The following CACNA2D3 variants were observed in gnomAD, a reference collection of about 807,000 sequenced individuals.
CACNA2D3 encodes the protein voltage-dependent calcium channel subunit alpha-2/delta-3.
A neutral mutation model predicts 160.6 loss-of-function variants in CACNA2D3; 60 were observed. The observed-to-expected ratio is 0.37, with a 90% CI of 0.30 to 0.46. CACNA2D3 has a LOEUF of 0.46. CACNA2D3 is among the 20% of genes least tolerant of loss of function. The pLI is 1.00. For synonymous variants in CACNA2D3, 558 were observed against 492.9 expected (o/e 1.13, Z -1.75); for missense variants, 1,205 against 1,365.0 (o/e 0.88, Z 1.85).
In CACNA2D3 at chr3:54,211,387, C is replaced by T. The variant is rs567059382; in HGVS notation, c.204+87793C>T. Among the ~76,000 whole-genome samples the T allele has an allele frequency of 2.3e-4, 35 of 152,196 alleles. 1 individual carries two copies. Among genetic ancestry groups the T allele is most frequent in the Non-Finnish European group, 3.1e-4 (21 of 68,006 alleles). On this transcript the variant is annotated intron_variant, in intron 2 of 37. Transcript: ENST00000474759. ...TGTCTTGTGCTCTTATCCACAGTGCCGCCATGAATACCCTGCACATACATC... is the reference window on the plus strand; with the variant it reads ...TGTCTTGTGCTCTTATCCACAGTGCTGCCATGAATACCCTGCACATACATC...
chr3:54,944,396 GTATTTATT>G lies in CACNA2D3; in HGVS notation c.2450-24020_2450-24013del, dbSNP rs542683931. On this transcript the variant is annotated intron_variant, in intron 27 of 37. Transcript: ENST00000474759. The stretch of plus-strand genomic sequence containing the variant: ...ACTGTTTTATTTTAAATTTCCCAGG[GTATTTATT>G]TATTTATTTATTTATTTATTTATTT... Among the ~76,000 whole-genome samples, 521 of 148,628 alleles carry G rather than the reference GTATTTATT, an allele frequency of 3.5e-3. 6 individuals are homozygous for G. Among genetic ancestry groups the G allele is most frequent in the Admixed American group, 8.0e-3 (119 of 14,900 alleles).
intron 5 of CACNA2D3, among the ~76,000 whole-genome samples, chr3:54,511,776 G>T (rs573702150): frequency 4.6e-5 from 7 of 152,266 alleles, no homozygotes; most frequent in Admixed American, 4.6e-4. Context: ...TTTGTGAAAG[G>T]TTACAGTAAT....
chr3:54,178,301 C>G (rs1282482107), intron 2 of CACNA2D3, among the ~76,000 whole-genome samples: 2 of 152,188 alleles, frequency 1.3e-5, no homozygotes, highest in Non-Finnish European at 2.9e-5. Context: ...TTAGATACGG[C>G]TTCAGCCCTC....
chr3:54,223,145 T>G (rs1450611317), intron 2 of CACNA2D3, among the ~76,000 whole-genome samples: 1 of 152,230 alleles, frequency 6.6e-6, no homozygotes, highest in South Asian at 2.1e-4. Flanking sequence ...GGTACTTTAC[T>G]GTATTCATAG....
intron 2 of CACNA2D3, among the ~76,000 whole-genome samples, chr3:54,148,262 G>T (rs1441215900): frequency 6.6e-6 from 1 of 152,242 alleles, no homozygotes; most frequent in African/African-American, 2.4e-5. Context: ...CCCTTGAAGG[G>T]CTCACAATGT....
chr3:54,679,984 C>G (rs1700311212), intron 11 of CACNA2D3, among the ~76,000 whole-genome samples: 1 of 152,188 alleles, frequency 6.6e-6, no homozygotes, highest in African/African-American at 2.4e-5. Context: ...AATTTAAATT[C>G]TAAAACCTGT....
chr3:54,708,865 T>G (rs1013485102), intron 11 of CACNA2D3, among the ~76,000 whole-genome samples: 2 of 152,188 alleles, frequency 1.3e-5, no homozygotes, highest in African/African-American at 4.8e-5. Context: ...TTTTCTCTTT[T>G]TCTGTAACCC....
At chr3:54,686,068 GTGT>G (rs1216302996) in intron 11 of CACNA2D3, among the ~76,000 whole-genome samples, 5 of 152,214 alleles carry the variant, frequency 3.3e-5, no homozygotes, top group African/African-American at 4.8e-5. Context: ...TAGCAGGACT[GTGT>G]TAATACAAAT....
rs3773603 is a variant in CACNA2D3 at position 54,846,434 on chromosome 3, A to T, written c.1593A>T (p.Gly531=). ...HGYAFAITNN[G]YILTHPELRL... ...ATGCCTTTGCAATCACAAATAATGG[A>T]TATATCCTGACGCATCCGGAACTCA... The change falls in exon 17 of 38, where the codon GGA becomes GGT. Residue 531 remains glycine, a synonymous_variant. Coordinates refer to ENST00000474759, the MANE Select transcript of CACNA2D3 (RefSeq NM_018398.3). 13 of 1,604,248 alleles carry T rather than the reference A, an allele frequency of 8.1e-6. No homozygotes were observed. The Admixed American group carries it at 1.7e-4, about 21-fold the overall frequency.
At chr3:54,595,038 A>G (rs1702926051) in intron 9 of CACNA2D3, among the ~76,000 whole-genome samples, 1 of 152,198 alleles carries the variant, frequency 6.6e-6, no homozygotes, top group Non-Finnish European at 1.5e-5. Context: ...GATTTGTTCT[A>G]TAGAGTAAAT....
intron 14 of CACNA2D3, 30 bp downstream of exon 14, chr3:54,816,900 C>A (rs763125699): frequency 1.9e-6 from 3 of 1,612,206 alleles, no homozygotes; most frequent in Admixed American, 3.3e-5. Context: ...ATTCCAGTCA[C>A]CCCCAGAACT....
chr3:54,797,554 T>C (rs1041611124), intron 13 of CACNA2D3, among the ~76,000 whole-genome samples: 4 of 152,246 alleles, frequency 2.6e-5, no homozygotes, highest in Admixed American at 2.6e-4. Flanking sequence ...TCATACGGTT[T>C]TTTTGGTCTC....
At chr3:54,421,760 C>G (rs570752993) in intron 4 of CACNA2D3, among the ~76,000 whole-genome samples, 8 of 152,212 alleles carry the variant, frequency 5.3e-5, no homozygotes, top group African/African-American at 1.4e-4. Flanking sequence ...AGAGGAGATT[C>G]AAGCCACTGA....
At chr3:54,498,016 T>C (rs1701228945) in intron 4 of CACNA2D3, among the ~76,000 whole-genome samples, 1 of 151,708 alleles carries the variant, frequency 6.6e-6, no homozygotes, top group Admixed American at 6.6e-5. Context: ...TTTTTGTATC[T>C]AGGCTTATGA....
At chr3:54,940,043 GA>G (rs149761832) in intron 27 of CACNA2D3, among the ~76,000 whole-genome samples, 17,910 of 152,216 alleles carry the variant, frequency 0.12, 1,055 homozygotes, top group Middle Eastern at 0.15. Context: ...GGAAGATGGA[GA>G]AGGTGGAGCT....
chr3:54,474,591 A>T (rs1203897930), intron 4 of CACNA2D3, among the ~76,000 whole-genome samples: 2 of 152,118 alleles, frequency 1.3e-5, no homozygotes, highest in African/African-American at 4.8e-5. Context: ...GCATGCAAGT[A>T]CTTAGCAAAT....
Position 54,445,862 on chromosome 3 carries a change from A to T in CACNA2D3, c.382-57630A>T, listed in dbSNP as rs551786146. 7.9e-5 allele frequency among the ~76,000 whole-genome samples: 12 copies of T among 152,292 alleles called. No individual in the cohort carries two copies. The South Asian group carries it at 1.9e-3, about 24-fold the overall frequency. On this transcript the variant is annotated intron_variant, in intron 4 of 37. Transcript: ENST00000474759. Reference sequence around the variant, plus strand: ...CCTTGTTCTAGGAGGGTAGATGTTTATAAGACCTCTCATGAACTTGTCTCA... The same window carrying T: ...CCTTGTTCTAGGAGGGTAGATGTTTTTAAGACCTCTCATGAACTTGTCTCA...
chr3:54,717,790 TGTG>T (rs1294948966), intron 11 of CACNA2D3, among the ~76,000 whole-genome samples: 2 of 90,060 alleles, frequency 2.2e-5, no homozygotes, highest in African/African-American at 3.6e-5. Flanking sequence ...CATGTGCGTG[TGTG>T]GTGTGCGTGT....
chr3:54,886,910 C>T (rs2106856681), intron 23 of CACNA2D3, among the ~76,000 whole-genome samples: 1 of 136,860 alleles, frequency 7.3e-6, no homozygotes, highest in East Asian at 2.1e-4. Flanking sequence ...TAAGTTATTT[C>T]TAGCTTTCGC....
Sources: gnomAD v4.1 joint callset for allele counts (sites outside exome capture counted in the v4.1 genomes callset) on GRCh38, gnomAD v4.1.1 for gene constraint, MANE v1.5 for transcripts, NCBI Gene and HGNC (gene_info 2026-07-23, HGNC 2026-07-21) for gene names.